CNNM2: variants seen among roughly 807,000 people sequenced by gnomAD.
The protein encoded by CNNM2 is metal transporter CNNM2.
Under a neutral mutation model 66.9 loss-of-function variants are expected in CNNM2, and 12 were observed. The ratio of observed to expected loss-of-function variants is 0.18; its 90% CI spans 0.11 to 0.29. The LOEUF is 0.29. CNNM2 is among the 10% of genes least tolerant of loss of function. The pLI, the probability that CNNM2 is intolerant of heterozygous loss-of-function variation, is 1.00. For missense variants in CNNM2, 705 were observed against 1,167.7 expected (o/e 0.60, Z 5.77); for synonymous variants, 557 against 501.8 (o/e 1.11, Z -1.47).
intron 1 of CNNM2, among the ~76,000 whole-genome samples, chr10:102,927,847 CCT>C (rs1346347848): frequency 6.6e-6 from 1 of 152,104 alleles, no homozygotes; most frequent in East Asian, 1.9e-4. Flanking sequence ...GATGCCAAAC[CCT>C]CTCCCTGTGT....
chr10:103,068,112 A>G (rs1384932486), intron 4 of CNNM2, among the ~76,000 whole-genome samples: 1 of 152,200 alleles, frequency 6.6e-6, no homozygotes. Flanking sequence ...TGCTGGTCCC[A>G]CTGATGGAGC....
intron 1 of CNNM2, among the ~76,000 whole-genome samples, chr10:102,954,405 C>A (rs1201318328): frequency 6.6e-6 from 1 of 152,018 alleles, no homozygotes; most frequent in African/African-American, 2.4e-5. Context: ...AGGCATGAGA[C>A]ACCGTGCCTG....
chr10:102,920,660 C>G (rs1056507687), intron 1 of CNNM2, among the ~76,000 whole-genome samples: 2 of 151,608 alleles, frequency 1.3e-5, no homozygotes, highest in Admixed American at 1.3e-4. Context: ...AGATTGAGGT[C>G]TGCCTTTGAG....
chr10:103,044,495 G>A (rs1446338974), intron 1 of CNNM2, among the ~76,000 whole-genome samples: 1 of 151,900 alleles, frequency 6.6e-6, no homozygotes, highest in East Asian at 1.9e-4. Flanking sequence ...GTTCAAGGCT[G>A]CAGTGAGCTA....
intron 1 of CNNM2, among the ~76,000 whole-genome samples, chr10:102,983,923 C>G (rs1449791943): frequency 1.3e-5 from 2 of 151,916 alleles, no homozygotes; most frequent in Admixed American, 1.3e-4. Context: ...CGCCACCACG[C>G]CTGGCTAATT....
At chr10:103,020,026 C>T (rs1277370113) in intron 1 of CNNM2, among the ~76,000 whole-genome samples, 1 of 152,124 alleles carries the variant, frequency 6.6e-6, no homozygotes, top group East Asian at 1.9e-4. Flanking sequence ...ACATGTGTTA[C>T]TCGTGTGGTT....
At chr10:102,954,654 C>A (rs1051302686) in intron 1 of CNNM2, among the ~76,000 whole-genome samples, 5 of 152,040 alleles carry the variant, frequency 3.3e-5, no homozygotes, top group Admixed American at 2.6e-4. Flanking sequence ...GCAATGCAAT[C>A]CAGGTCCAGG....
chr10:103,078,244 G>C lies in CNNM2; in HGVS notation c.*1064G>C, dbSNP rs979075403. ...CTAGCTGCACTCTGTACTGTGTGCCGAGAAGGCATTTCTAGACCCGTGTTT... is the reference window on the plus strand; with the variant it reads ...CTAGCTGCACTCTGTACTGTGTGCCCAGAAGGCATTTCTAGACCCGTGTTT... On this transcript the variant is annotated 3_prime_UTR_variant, in exon 8 of 8. Coordinates refer to ENST00000369878, the MANE Select transcript of CNNM2 (RefSeq NM_017649.5). 3.3e-5 allele frequency: 5 copies of C among 152,364 alleles called. No homozygotes were observed. Among genetic ancestry groups the C allele is most frequent in the African/African-American group, 1.2e-4 (5 of 41,584 alleles). The allele number at this position is 152,364 out of a possible 1,614,324, so 9.4% of individuals were successfully genotyped here.
chr10:103,032,908 A>C (rs565057256), intron 1 of CNNM2, among the ~76,000 whole-genome samples: 4 of 151,910 alleles, frequency 2.6e-5, no homozygotes, highest in African/African-American at 7.2e-5. Flanking sequence ...GCTTGAGCTT[A>C]AGAGTTTGAG....
rs910530756 is a variant in CNNM2, at chr10:103,090,132, T to G, written c.*12952T>G. 1.6e-5 allele frequency: 7 copies of G among 443,236 alleles called. No individual in the cohort carries two copies. The highest frequency in any genetic ancestry group is 2.8e-5 in the Non-Finnish European group (7 of 252,314). 27.5% of individuals were successfully genotyped at this position (443,236 alleles called of 1,614,324 possible). On this transcript the variant is annotated 3_prime_UTR_variant, in exon 8 of 8. Transcript: ENST00000369878. ...CATATTGTCTACTGCAGCTGGAAAT[T>G]GGAAAAGATGGAGAGGGGAGTTTAC...
intron 1 of CNNM2, among the ~76,000 whole-genome samples, chr10:103,010,984 C>G (rs2064332037): frequency 6.6e-6 from 1 of 152,152 alleles, no homozygotes; most frequent in Middle Eastern, 3.2e-3. Flanking sequence ...ATTACTTTCT[C>G]ATAATCAGAG....
intron 1 of CNNM2, among the ~76,000 whole-genome samples, chr10:102,999,124 G>A (rs1449942741): frequency 2.0e-5 from 3 of 150,706 alleles, no homozygotes; most frequent in Admixed American, 6.6e-5. Context: ...AGGCTTGAGT[G>A]TAGTGGCGCG....
At chr10:103,055,750 A>G (rs1427038334) in intron 3 of CNNM2, among the ~76,000 whole-genome samples, 2 of 152,206 alleles carry the variant, frequency 1.3e-5, no homozygotes, top group African/African-American at 2.4e-5. Flanking sequence ...TCTTTCACTT[A>G]TTATTCTTTT....
chr10:103,042,946 T>C (rs1309599419), intron 1 of CNNM2, among the ~76,000 whole-genome samples: 2 of 152,218 alleles, frequency 1.3e-5, no homozygotes. Flanking sequence ...TGCAATTTTA[T>C]TGATTCCTAT....
At chr10:103,033,101 G>A (rs1253269920) in intron 1 of CNNM2, among the ~76,000 whole-genome samples, 1 of 148,840 alleles carries the variant, frequency 6.7e-6, no homozygotes, top group African/African-American at 2.5e-5. Context: ...CTGAGTGACA[G>A]AGTAAGACCC....
At chr10:102,993,249 T>A (rs969337217) in intron 1 of CNNM2, among the ~76,000 whole-genome samples, 5 of 152,216 alleles carry the variant, frequency 3.3e-5, no homozygotes, top group African/African-American at 1.2e-4. Flanking sequence ...CTATGAGGTC[T>A]TAAATATTTC....
At position 103,084,654 on chromosome 10, in the gene CNNM2, T is replaced by G. The variant is rs2065786457; in HGVS notation, c.*7474T>G. The G allele has an allele frequency of 6.6e-6, 1 of 150,640 alleles. No individual in the cohort carries two copies. Among genetic ancestry groups the G allele is most frequent in the African/African-American group, 2.5e-5 (1 of 40,064 alleles). 9.3% of individuals were successfully genotyped at this position (150,640 alleles called of 1,614,324 possible). On this transcript the variant is annotated 3_prime_UTR_variant, in exon 8 of 8. Coordinates refer to ENST00000369878, the MANE Select transcript of CNNM2 (RefSeq NM_017649.5). ...TGTCAAGATGAGATTTGCCTAAAAC[T>G]CCCCCCTGCATCCTCAGAGTGCGCA...
intron 1 of CNNM2, among the ~76,000 whole-genome samples, chr10:102,990,522 C>T (rs893549208): frequency 7.2e-5 from 11 of 152,104 alleles, no homozygotes; most frequent in Non-Finnish European, 1.5e-4. Flanking sequence ...GAAACAGTTT[C>T]TATTAGTGTA....
chr10:103,029,503 T>C (rs1248278533), intron 1 of CNNM2, among the ~76,000 whole-genome samples: 1 of 151,330 alleles, frequency 6.6e-6, no homozygotes, highest in African/African-American at 2.4e-5. Flanking sequence ...TACCAGACAC[T>C]GTGCTAGTTT....
Sources: allele counts gnomAD v4.1 joint callset (sites outside exome capture counted in the v4.1 genomes callset), GRCh38; gene constraint gnomAD v4.1.1; transcripts MANE v1.5; gene names NCBI Gene and HGNC (gene_info 2026-07-23, HGNC 2026-07-21).